NAALADL2: variants seen among roughly 807,000 people sequenced by gnomAD.
The protein encoded by NAALADL2 is inactive N-acetylated-alpha-linked acidic dipeptidase-like protein 2.
NAALADL2 carries 76 observed loss-of-function variants against 87.2 expected under a neutral mutation model. That is an observed-to-expected ratio of 0.87 (90% CI 0.72 to 1.05). The LOEUF is 1.05. NAALADL2 is among the 50% of genes least tolerant of loss of function. The pLI, the probability that NAALADL2 is intolerant of heterozygous loss-of-function variation, is 0.00. For missense variants in NAALADL2, 1,089 were observed against 945.8 expected, an observed-to-expected ratio of 1.15 and a Z score of -1.99; for synonymous variants, 354 against 331.0, an observed-to-expected ratio of 1.07 and a Z score of -0.75.
intron 9 of NAALADL2, among the ~76,000 whole-genome samples, chr3:175,481,367 A>G (rs74645357): frequency 0.072 from 8,544 of 119,104 alleles, 555 homozygotes; most frequent in African/African-American, 0.19. Context: ...GTGTGTGTGT[A>G]TATAGCTGTG....
At position 175,236,971 on chromosome 3, in the gene NAALADL2, G is replaced by A. The variant is rs374785074; in HGVS notation, c.819+2767G>A. ...ATAGCCTCACCTTCAAGTGTCCTGC[G>A]TTCAAGTAGTGTGTAAGAGTAATAA... On this transcript the variant is annotated intron_variant, in intron 3 of 13. Coordinates refer to ENST00000454872, the MANE Select transcript of NAALADL2 (RefSeq NM_207015.3). Among the ~76,000 whole-genome samples the A allele has an allele frequency of 7.8e-4, 118 of 152,094 alleles. No homozygotes were observed. The South Asian group carries it at 8.9e-3, about 12-fold the overall frequency.
intron 5 of NAALADL2, among the ~76,000 whole-genome samples, chr3:175,405,315 T>C (rs2149072343): frequency 6.6e-6 from 1 of 152,258 alleles, no homozygotes; most frequent in African/African-American, 2.4e-5. Flanking sequence ...GTGGTGGTGT[T>C]CAGGTAGATA....
intron 4 of NAALADL2, among the ~76,000 whole-genome samples, chr3:175,270,752 T>C (rs1467114854): frequency 1.1e-4 from 17 of 152,140 alleles, no homozygotes; most frequent in Admixed American, 1.1e-3. Flanking sequence ...TGTAATGACT[T>C]GATGGATGCA....
At chr3:175,291,489 A>T (rs891829199) in intron 4 of NAALADL2, among the ~76,000 whole-genome samples, 4 of 152,132 alleles carry the variant, frequency 2.6e-5, no homozygotes, top group African/African-American at 9.7e-5. Context: ...TAACTGATTA[A>T]CTTATTCCAA....
chr3:175,680,996 C>T (rs1426150006), intron 11 of NAALADL2, among the ~76,000 whole-genome samples: 1 of 152,024 alleles, frequency 6.6e-6, no homozygotes, highest in African/African-American at 2.4e-5. Flanking sequence ...ACCTGTAGTC[C>T]CATCTACTCA....
rs116567280 is a variant in NAALADL2 at position 174,931,547 on chromosome 3, G to T, written c.43+72097G>T. On this transcript the variant is annotated intron_variant, in intron 1 of 13. Transcript: ENST00000454872. ...TCATTAAACATATTCATTTGGTTTA[G>T]TCAAGCAGAGAATATGAAGAATGGT... is the stretch of plus-strand genomic sequence containing the variant. 6.0e-4 allele frequency among the ~76,000 whole-genome samples: 91 copies of T among 152,238 alleles called. 1 individual carries two copies. Among genetic ancestry groups the T allele is most frequent in the Non-Finnish European group, 1.1e-3 (74 of 68,014 alleles).
chr3:174,609,347 C>G (rs868531179), intron 2 of NAALADL2, among the ~76,000 whole-genome samples: 1 of 151,886 alleles, frequency 6.6e-6, no homozygotes, highest in Non-Finnish European at 1.5e-5. Context: ...TAAAGCGTAT[C>G]CAATTAGGAA....
At chr3:174,487,387 C>T (rs930470584) in intron 1 of NAALADL2, among the ~76,000 whole-genome samples, 2 of 152,056 alleles carry the variant, frequency 1.3e-5, no homozygotes, top group Non-Finnish European at 2.9e-5. Context: ...TTCAAAGAAT[C>T]TCCTAGGTAT....
At chr3:175,127,891 A>T (rs1407891297) in intron 2 of NAALADL2, among the ~76,000 whole-genome samples, 1 of 152,194 alleles carries the variant, frequency 6.6e-6, no homozygotes, top group Non-Finnish European at 1.5e-5. Context: ...AAGACACGTG[A>T]TATAAAAATG....
At chr3:175,495,693 A>T (rs1196638219) in intron 9 of NAALADL2, among the ~76,000 whole-genome samples, 1 of 151,460 alleles carries the variant, frequency 6.6e-6, no homozygotes, top group African/African-American at 2.4e-5. Flanking sequence ...TTTACCACTT[A>T]CTTCCCCATG....
chr3:175,584,703 G>A (rs1720287425), intron 10 of NAALADL2, among the ~76,000 whole-genome samples: 3 of 152,196 alleles, frequency 2.0e-5, no homozygotes, highest in Admixed American at 2.0e-4. Flanking sequence ...ACTGTAGACT[G>A]TACTGAATAC....
chr3:174,491,471 G>A (rs1423714014), intron 1 of NAALADL2, among the ~76,000 whole-genome samples: 2 of 152,100 alleles, frequency 1.3e-5, no homozygotes, highest in Admixed American at 1.3e-4. Flanking sequence ...ATAGTACTCT[G>A]TGAATAATTT....
chr3:175,568,437 A>G (rs1011568542), intron 9 of NAALADL2, among the ~76,000 whole-genome samples: 1 of 152,204 alleles, frequency 6.6e-6, no homozygotes. Flanking sequence ...AAAAAGACCC[A>G]TGGAATCCTA....
intron 10 of NAALADL2, among the ~76,000 whole-genome samples, chr3:175,580,285 A>G (rs1055913270): frequency 2.0e-5 from 3 of 152,092 alleles, no homozygotes; most frequent in African/African-American, 7.2e-5. Context: ...TAATTCTATG[A>G]GATAAAAGTA....
At chr3:175,666,699 A>G (rs1560941432) in intron 11 of NAALADL2, among the ~76,000 whole-genome samples, 1 of 152,112 alleles carries the variant, frequency 6.6e-6, no homozygotes, top group Non-Finnish European at 1.5e-5. Context: ...CCATCTTTGG[A>G]ACGTTACATT....
At chr3:175,143,414 T>C (rs540291212) in intron 2 of NAALADL2, among the ~76,000 whole-genome samples, 29 of 152,038 alleles carry the variant, frequency 1.9e-4, no homozygotes, top group Admixed American at 1.7e-3. Flanking sequence ...GTGTCACTTC[T>C]GAAAAGAGGC....
chr3:174,768,273 T>C (rs960753580), intron 3 of NAALADL2, among the ~76,000 whole-genome samples: 5 of 152,180 alleles, frequency 3.3e-5, no homozygotes, highest in African/African-American at 1.2e-4. Flanking sequence ...CTTTTATACT[T>C]AAGTAAAATT....
At chr3:175,461,645 A>G (rs761608762) in intron 6 of NAALADL2, among the ~76,000 whole-genome samples, 5 of 152,230 alleles carry the variant, frequency 3.3e-5, no homozygotes, top group Non-Finnish European at 7.3e-5. Flanking sequence ...TACAGTATAC[A>G]TATTGTGACG....
At chr3:174,924,073 T>C (rs1299001768) in intron 1 of NAALADL2, among the ~76,000 whole-genome samples, 1 of 152,130 alleles carries the variant, frequency 6.6e-6, no homozygotes, top group Admixed American at 6.5e-5. Flanking sequence ...CATGCTTTTC[T>C]TTTTTTATTT....
Sources: gnomAD v4.1 joint callset for allele counts (sites outside exome capture counted in the v4.1 genomes callset) on GRCh38, gnomAD v4.1.1 for gene constraint, MANE v1.5 for transcripts, NCBI Gene and HGNC (gene_info 2026-07-23, HGNC 2026-07-21) for gene names.